SCHIP1: variants seen among roughly 807,000 people sequenced by gnomAD.
SCHIP1 encodes schwannomin interacting protein 1.
A neutral mutation model predicts 29.7 loss-of-function variants in SCHIP1; 8 were observed. The ratio of observed to expected loss-of-function variants is 0.27; its 90% CI spans 0.16 to 0.49. The LOEUF (loss-of-function observed/expected upper bound fraction) is 0.49, where lower values mean the gene tolerates loss of function less well. Among genes scored for constraint, SCHIP1 ranks in the 20% least tolerant of loss-of-function variants. SCHIP1 has a pLI of 0.99. For missense variants in SCHIP1, 193 were observed against 294.6 expected, an observed-to-expected ratio of 0.66 and a Z score of 2.52; for synonymous variants, 76 against 94.9, an observed-to-expected ratio of 0.80 and a Z score of 1.16.
At chr3:159,375,808 G>A in the SCHIP1 span, 1 of 882,144 alleles carries the variant, frequency 1.1e-6, no homozygotes, top group Non-Finnish European at 1.4e-6. Flanking sequence ...GTTGGGAAAA[G>A]TAAAGCTAGA....
chr3:159,369,540 A>C, the SCHIP1 span, among the ~76,000 whole-genome samples: 9 of 152,152 alleles, frequency 5.9e-5, no homozygotes, highest in Admixed American at 4.6e-4. Flanking sequence ...AATTTATTTG[A>C]TATTACTTAT....
chr3:159,625,270 A>G, the SCHIP1 span, among the ~76,000 whole-genome samples: 5 of 152,126 alleles, frequency 3.3e-5, no homozygotes, highest in Admixed American at 2.6e-4. Flanking sequence ...AATAATACCA[A>G]TCACACCTGC....
At chr3:159,380,910 T>A in the SCHIP1 span, among the ~76,000 whole-genome samples, 1 of 152,166 alleles carries the variant, frequency 6.6e-6, no homozygotes. Flanking sequence ...GTAAAAGACG[T>A]GTTGTATATG....
the SCHIP1 span, among the ~76,000 whole-genome samples, chr3:159,382,545 T>G: frequency 6.6e-6 from 1 of 152,188 alleles, no homozygotes; most frequent in Admixed American, 6.5e-5. Context: ...TTTGCTATTG[T>G]GAATAGAGCC....
At chr3:159,293,097 C>T in the SCHIP1 span, among the ~76,000 whole-genome samples, 1 of 152,198 alleles carries the variant, frequency 6.6e-6, no homozygotes, top group Admixed American at 6.5e-5. Flanking sequence ...AACATTTCAT[C>T]AGGGTCACAT....
At chr3:159,841,271 A>G (rs1744191584) in intron 1 of SCHIP1, among the ~76,000 whole-genome samples, 1 of 152,224 alleles carries the variant, frequency 6.6e-6, no homozygotes, top group Non-Finnish European at 1.5e-5. Context: ...AAATGTATTT[A>G]TATACTTTGT....
At chr3:159,502,050 G>A in the SCHIP1 span, among the ~76,000 whole-genome samples, 3 of 152,166 alleles carry the variant, frequency 2.0e-5, no homozygotes, top group African/African-American at 2.4e-5. Flanking sequence ...TGGCAAACTC[G>A]ATATAGAGAA....
chr3:159,371,087 C>A, the SCHIP1 span, among the ~76,000 whole-genome samples: 43 of 152,214 alleles, frequency 2.8e-4, no homozygotes, highest in African/African-American at 9.6e-4. Context: ...GAGAGCTCCA[C>A]AAGGGCAGGG....
At chr3:159,777,170 A>C in the SCHIP1 span, among the ~76,000 whole-genome samples, 1 of 152,324 alleles carries the variant, frequency 6.6e-6, no homozygotes, top group Non-Finnish European at 1.5e-5. Flanking sequence ...TGCTGTCCAG[A>C]ATACTGCCCC....
chr3:159,698,761 C>T, the SCHIP1 span, among the ~76,000 whole-genome samples: 13 of 152,240 alleles, frequency 8.5e-5, 2 homozygotes, highest in South Asian at 1.7e-3. Flanking sequence ...GCTTCAGTCT[C>T]CCGAGTAGCT....
the SCHIP1 span, among the ~76,000 whole-genome samples, chr3:159,407,083 A>G: frequency 0.029 from 4,381 of 152,290 alleles, 108 homozygotes; most frequent in South Asian, 0.046. Flanking sequence ...CTCCAATGAA[A>G]AGACACTGAG....
At chr3:159,591,230 C>T in the SCHIP1 span, among the ~76,000 whole-genome samples, 30 of 152,170 alleles carry the variant, frequency 2.0e-4, no homozygotes, top group African/African-American at 7.2e-4. Flanking sequence ...ATATGACTTC[C>T]TCTCTTCCTA....
At chr3:159,352,788 A>T in the SCHIP1 span, among the ~76,000 whole-genome samples, 2,446 of 146,772 alleles carry the variant, frequency 0.017, 58 homozygotes, top group African/African-American at 0.058. Context: ...TTTTTACTTT[A>T]ACATGTATTG....
At chr3:159,744,693 T>A in the SCHIP1 span, among the ~76,000 whole-genome samples, 1 of 152,154 alleles carries the variant, frequency 6.6e-6, no homozygotes, top group African/African-American at 2.4e-5. Flanking sequence ...AAGTGTTCAA[T>A]GGGGCCAGGC....
chr3:159,785,424 A>G, the SCHIP1 span, among the ~76,000 whole-genome samples: 2 of 152,196 alleles, frequency 1.3e-5, no homozygotes, highest in East Asian at 3.9e-4. Context: ...TGTTATCGGG[A>G]GATGGAATGT....
the SCHIP1 span, among the ~76,000 whole-genome samples, chr3:159,647,108 G>A: frequency 6.6e-6 from 1 of 152,068 alleles, no homozygotes; most frequent in African/African-American, 2.4e-5. Context: ...ACAGCCAAGG[G>A]AAGAACCAGA....
chr3:159,537,926 C>T, the SCHIP1 span, among the ~76,000 whole-genome samples: 1 of 152,026 alleles, frequency 6.6e-6, no homozygotes, highest in East Asian at 1.9e-4. Flanking sequence ...TAAAATGATA[C>T]ATAGTACAGA....
chr3:159,428,030 A>G, the SCHIP1 span, among the ~76,000 whole-genome samples: 1 of 152,238 alleles, frequency 6.6e-6, no homozygotes, highest in African/African-American at 2.4e-5. Context: ...CTTACATCTT[A>G]TTCAAAAATT....
chr3:159,877,577 C>T (rs1397831219), intron 2 of SCHIP1, among the ~76,000 whole-genome samples: 1 of 152,162 alleles, frequency 6.6e-6, no homozygotes. Flanking sequence ...TAAAGCAGTG[C>T]TTTAATGGTC....
Sources: gnomAD v4.1 joint callset for allele counts (sites outside exome capture counted in the v4.1 genomes callset) on GRCh38, gnomAD v4.1.1 for gene constraint, MANE v1.5 for transcripts, NCBI Gene and HGNC (gene_info 2026-07-23, HGNC 2026-07-21) for gene names.